CYGB: variants seen among roughly 807,000 people sequenced by gnomAD.
CYGB encodes histoglobin.
In CYGB, 13 loss-of-function variants were observed where a neutral mutation model predicts 20.7. The ratio of observed to expected loss-of-function variants is 0.63; its 90% CI spans 0.41 to 1.00. The LOEUF is 1.00. Ranked by LOEUF, CYGB falls within the 50% of genes least tolerant of loss-of-function variation. CYGB has a pLI of 0.00. For missense variants in CYGB, 218 were observed against 257.2 expected, an observed-to-expected ratio of 0.85 and a Z score of 1.04; for synonymous variants, 93 against 107.4, an observed-to-expected ratio of 0.87 and a Z score of 0.83.
chr17:76,544,118 C>T (rs773623861), intron 1 of CYGB: 1 of 454,584 alleles, frequency 2.2e-6, no homozygotes, highest in South Asian at 1.6e-5. Flanking sequence ...CAGATTTCCG[C>T]TTCTGCTCCC....
chr17:76,548,275 T>C (rs1001399187), intron 1 of CYGB, among the ~76,000 whole-genome samples: 3 of 151,934 alleles, frequency 2.0e-5, no homozygotes, highest in African/African-American at 4.8e-5. Context: ...CACATAAACA[T>C]ACATACACAC....
Position 76,533,710 on chromosome 17 carries a change from G to A in CYGB, c.144-2019C>T, listed in dbSNP as rs143508747. ...TGCACTCCAGCCTGGGTGACAGAGT[G>A]AGACCCTGAATCCAAAGAAATAATG... On this transcript the variant is annotated intron_variant, in intron 1 of 3. Transcript: ENST00000293230. This position sits in a 1 kb window ranked among gnomAD's most constrained non-coding sequence, Gnocchi z 4.5. Among the ~76,000 whole-genome samples the A allele has an allele frequency of 2.9e-4, 44 of 151,422 alleles. No homozygotes were observed. Among genetic ancestry groups the A allele is most frequent in the African/African-American group, 9.7e-4 (40 of 41,218 alleles).
At chr17:76,540,638 T>C (rs1409766622), upstream of CYGB, 11 of 1,492,266 alleles carry the variant, frequency 7.4e-6, no homozygotes, top group East Asian at 2.3e-5. This position sits in a 1 kb window ranked among gnomAD's most constrained non-coding sequence, Gnocchi z 5.0. Context: ...TGTGCATGCC[T>C]GGGGGTGCAC....
In CYGB at chr17:76,537,387, G is replaced by T. The variant is rs752434627; in HGVS notation, c.143+13C>A. Reference sequence around the variant, plus strand: ...TCCCTGCCCAGGGCCCGGCCGGGCCGGGCGACACCTACCTCACCAGGATGG... The same window carrying T: ...TCCCTGCCCAGGGCCCGGCCGGGCCTGGCGACACCTACCTCACCAGGATGG... On this transcript the variant is annotated intron_variant, in intron 1 of 3. Coordinates refer to ENST00000293230, the MANE Select transcript of CYGB (RefSeq NM_134268.5). The T allele has an allele frequency of 9.5e-6, 15 of 1,582,308 alleles. No homozygotes were observed. The East Asian group carries it at 2.4e-4, about 26-fold the overall frequency.
At chr17:76,537,057 C>T (rs2082426819) in intron 1 of CYGB, among the ~76,000 whole-genome samples, 2 of 152,210 alleles carry the variant, frequency 1.3e-5, no homozygotes, top group Admixed American at 1.3e-4. Context: ...GCTATACTAC[C>T]TTTGAAAGGC....
rs1394119993 is a variant in CYGB at position 76,530,421 on chromosome 17, T to A, written c.539+558A>T. ...CTCCAGGTCAGCCTGGAAGTAAACATGCCCCTGCTCGTGTGCGTGTGAGCG... is the reference window on the plus strand; with the variant it reads ...CTCCAGGTCAGCCTGGAAGTAAACAAGCCCCTGCTCGTGTGCGTGTGAGCG... On this transcript the variant is annotated intron_variant, in intron 3 of 3. Coordinates refer to ENST00000293230, the MANE Select transcript of CYGB (RefSeq NM_134268.5). The surrounding 1 kb of genome is among the most constrained non-coding windows in gnomAD (Gnocchi z 6.1). Among the ~76,000 whole-genome samples, 1 of 152,158 alleles carries A rather than the reference T, an allele frequency of 6.6e-6. No homozygotes were observed. The highest frequency in any genetic ancestry group is 1.5e-5 in the Non-Finnish European group (1 of 68,012).
In CYGB at chr17:76,548,950, T is replaced by A. The variant is rs1598219705; in HGVS notation, c.-53+1912A>T. On this transcript the variant is annotated intron_variant, in intron 1 of 3. Transcript: ENST00000589145. Reference sequence around the variant, plus strand: ...GAGGGGAAACCCAAGCGGACCACAGTGGCTTTGCTAAGGTGAGGAGGAGAC... The same window carrying A: ...GAGGGGAAACCCAAGCGGACCACAGAGGCTTTGCTAAGGTGAGGAGGAGAC... Among the ~76,000 whole-genome samples, 3 of 152,248 alleles carry A rather than the reference T, an allele frequency of 2.0e-5. No individual in the cohort carries two copies. In the East Asian group the frequency reaches 5.8e-4, roughly 29 times the overall value.
intron 3 of CYGB, chr17:76,529,406 C>A: frequency 1.0e-6 from 1 of 985,032 alleles, no homozygotes; most frequent in Non-Finnish European, 1.2e-6. Flanking sequence ...TCGGCCGTTT[C>A]AAAATGTTTG....
upstream of CYGB, among the ~76,000 whole-genome samples, chr17:76,539,056 G>C (rs753105258): frequency 6.6e-6 from 1 of 152,230 alleles, no homozygotes; most frequent in Non-Finnish European, 1.5e-5. Flanking sequence ...CCCTGAGGCA[G>C]TGCCTCTGAC....
Position 76,528,093 on chromosome 17 carries a change from G to A in CYGB, c.*485C>T, listed in dbSNP as rs2074788522. Reference sequence around the variant, plus strand: ...CCAAACCGAGGCTTCTGGGCGCCGCGGATACACATTCTAGATATGTATGTG... The same window carrying A: ...CCAAACCGAGGCTTCTGGGCGCCGCAGATACACATTCTAGATATGTATGTG... On this transcript the variant is annotated 3_prime_UTR_variant, in exon 4 of 4. Transcript: ENST00000293230. This position sits in a 1 kb window ranked among gnomAD's most constrained non-coding sequence, Gnocchi z 5.8. 1.0e-5 allele frequency: 4 copies of A among 383,400 alleles called. No homozygotes were observed. Among genetic ancestry groups the A allele is most frequent in the Non-Finnish European group, 1.9e-5 (4 of 208,742 alleles). 23.7% of individuals were successfully genotyped at this position (383,400 alleles called of 1,614,324 possible). A position where few individuals can be genotyped will look rare whatever the true frequency, so the allele number is the denominator to read the frequency against.
chr17:76,532,828 C>T (rs901689145), intron 1 of CYGB, among the ~76,000 whole-genome samples: 15 of 152,162 alleles, frequency 9.9e-5, no homozygotes, highest in South Asian at 2.1e-4. Context: ...TGAGCCACCA[C>T]GCCCGGCCGA....
At chr17:76,529,778 C>T (rs906308542) in intron 3 of CYGB, 2 of 985,336 alleles carry the variant, frequency 2.0e-6, no homozygotes, top group Non-Finnish European at 2.4e-6. Context: ...CTCTGGTGGG[C>T]CAACATCTGC....
At chr17:76,529,464 C>T (rs1417208397) in intron 3 of CYGB, 51 of 985,272 alleles carry the variant, frequency 5.2e-5, no homozygotes, top group South Asian at 9.4e-5. Flanking sequence ...GAGGGCAGGA[C>T]GGGCAGCGTG....
intron 1 of CYGB, among the ~76,000 whole-genome samples, chr17:76,548,752 C>A (rs2075080134): frequency 6.6e-6 from 1 of 152,238 alleles, no homozygotes; most frequent in African/African-American, 2.4e-5. Context: ...GTCTGGAGTG[C>A]TGTGTGCCAG....
Position 76,531,424 on chromosome 17 carries a change from G to A in CYGB, c.375+36C>T, listed in dbSNP as rs773681640. 85 of 1,589,210 alleles carry A rather than the reference G, an allele frequency of 5.3e-5. No individual in the cohort carries two copies. Among genetic ancestry groups the A allele is most frequent in the Non-Finnish European group, 6.6e-5 (77 of 1,160,262 alleles). On this transcript the variant is annotated intron_variant, in intron 2 of 3. Coordinates refer to ENST00000293230, the MANE Select transcript of CYGB (RefSeq NM_134268.5). The surrounding 1 kb of genome is among the most constrained non-coding windows in gnomAD (Gnocchi z 7.4). ...GAGCTGCAGATGGCCATGACGCGTG[G>A]GCGGTGGGGGCTCTGCAGCAGATGG...
chr17:76,548,156 C>T (rs56024043), intron 1 of CYGB, among the ~76,000 whole-genome samples: 50,938 of 151,916 alleles, frequency 0.34, 10,572 homozygotes, highest in African/African-American at 0.59. Context: ...TACACATTCA[C>T]ACATACACAC....
At chr17:76,529,265 G>C in intron 3 of CYGB, 2 of 985,458 alleles carry the variant, frequency 2.0e-6, no homozygotes, top group Non-Finnish European at 2.4e-6. Flanking sequence ...GGGTGGGCTA[G>C]AGGGTGTAAA....
At position 76,537,699 on chromosome 17, in the gene CYGB, GGTGT is replaced by G. The variant is rs550286728; in HGVS notation, c.-161_-158del. ...AGGGAGCGTGTGTCTGTGCGCGCCG[GGTGT>G]GTGTGTGTGTGTGCGTGCGTGTGTG... On this transcript the variant is annotated 5_prime_UTR_variant, in exon 1 of 4. Transcript: ENST00000293230. 3.2e-4 allele frequency: 178 copies of G among 555,492 alleles called. No individual in the cohort carries two copies. Among genetic ancestry groups the G allele is most frequent in the Middle Eastern group, 1.8e-3 (2 of 1,114 alleles). The allele number at this position is 555,492 out of a possible 1,614,324, so 34.4% of individuals were successfully genotyped here.
At chr17:76,540,723 GCTGGGCAGGCTGGA>G, upstream of CYGB, 1 of 763,926 alleles carries the variant, frequency 1.3e-6, no homozygotes, top group Non-Finnish European at 2.2e-6. This position sits in a 1 kb window ranked among gnomAD's most constrained non-coding sequence, Gnocchi z 5.0. Flanking sequence ...CTGTCCGCCT[GCTGGGCAGGCTGGA>G]TGTCTGTTTT....
Sources: allele counts gnomAD v4.1 joint callset (sites outside exome capture counted in the v4.1 genomes callset), GRCh38; gene constraint gnomAD v4.1.1; non-coding constraint Gnocchi (gnomAD v3.1); transcripts MANE v1.5; gene names NCBI Gene and HGNC (gene_info 2026-07-23, HGNC 2026-07-21).